COL25A1: variants seen among roughly 807,000 people sequenced by gnomAD.
The protein encoded by COL25A1 is collagen alpha-1(XXV) chain.
A neutral mutation model predicts 128.4 loss-of-function variants in COL25A1; 103 were observed. The observed-to-expected ratio is 0.80, with a 90% CI of 0.68 to 0.94. COL25A1 has a LOEUF of 0.94. COL25A1 is among the 40% of genes least tolerant of loss of function. The pLI, the probability that COL25A1 is intolerant of heterozygous loss-of-function variation, is 0.00. For synonymous variants in COL25A1, 279 were observed against 277.2 expected, an observed-to-expected ratio of 1.01 and a Z score of -0.06; for missense variants, 745 against 840.0, an observed-to-expected ratio of 0.89 and a Z score of 1.40.
rs79970220 is a variant in COL25A1 at position 109,160,647 on chromosome 4, A to T, written c.368-110468T>A. 9.4e-3 allele frequency among the ~76,000 whole-genome samples: 1,425 copies of T among 152,230 alleles called. 29 individuals are homozygous for T. The highest frequency in any genetic ancestry group is 0.033 in the African/African-American group (1,350 of 41,510). ...GCATATTTGCACTAATTACTACAAG[A>T]CTGGCCTATTGTTGGTCCTACAAAC... On this transcript the variant is annotated intron_variant, in intron 3 of 37. Coordinates refer to ENST00000399132, the MANE Select transcript of COL25A1 (RefSeq NM_198721.4).
chr4:109,133,020 T>C (rs1769378877), intron 3 of COL25A1, among the ~76,000 whole-genome samples: 1 of 152,090 alleles, frequency 6.6e-6, no homozygotes, highest in Admixed American at 6.5e-5. Context: ...AATAACTATA[T>C]TCATTCTTGT....
Position 108,813,839 on chromosome 4 carries a change from C to G in COL25A1, c.*88G>C. The G allele has an allele frequency of 1.9e-6, 2 of 1,026,324 alleles. No individual in the cohort carries two copies. The highest frequency in any genetic ancestry group is 2.8e-5 in the South Asian group (2 of 71,806). The allele number at this position is 1,026,324 out of a possible 1,614,324, so 63.6% of individuals were successfully genotyped here. A position where few individuals can be genotyped will look rare whatever the true frequency, so the allele number is the denominator to read the frequency against. On this transcript the variant is annotated 3_prime_UTR_variant, in exon 38 of 38. Coordinates refer to ENST00000399132, the MANE Select transcript of COL25A1 (RefSeq NM_198721.4). ...CAGCCCTATGTAAACATATCTCAGACTTGTAAAATCTGCAATTCAGTTTTC... is the reference window on the plus strand; with the variant it reads ...CAGCCCTATGTAAACATATCTCAGAGTTGTAAAATCTGCAATTCAGTTTTC...
chr4:108,939,683 T>A lies in COL25A1; in HGVS notation c.672+856A>T, dbSNP rs1215055528. On this transcript the variant is annotated intron_variant, in intron 10 of 37. Transcript: ENST00000399132. Reference sequence around the variant, plus strand: ...TTATTATTATGTACTACAAAAATACTATGAAAATAATTTGTTAAATAAATA... The same window carrying A: ...TTATTATTATGTACTACAAAAATACAATGAAAATAATTTGTTAAATAAATA... 1.1e-4 allele frequency among the ~76,000 whole-genome samples: 17 copies of A among 152,202 alleles called. 1 individual carries two copies. The highest frequency in any genetic ancestry group is 1.1e-3 in the Admixed American group (17 of 15,282).
At chr4:108,826,057 G>A (rs984871175) in intron 33 of COL25A1, among the ~76,000 whole-genome samples, 8 of 152,086 alleles carry the variant, frequency 5.3e-5, no homozygotes, top group African/African-American at 1.9e-4. Context: ...TAGCACTGAG[G>A]TAATCATGGT....
At chr4:109,248,042 A>G (rs1780394870) in intron 3 of COL25A1, among the ~76,000 whole-genome samples, 1 of 152,086 alleles carries the variant, frequency 6.6e-6, no homozygotes, top group Non-Finnish European at 1.5e-5. Context: ...AAAAACCCGT[A>G]TTGTCCCACA....
At chr4:109,214,325 C>T (rs1578459468) in intron 3 of COL25A1, among the ~76,000 whole-genome samples, 1 of 152,048 alleles carries the variant, frequency 6.6e-6, no homozygotes, top group East Asian at 1.9e-4. Context: ...GAACCAAAAA[C>T]ATCTAGAGGC....
chr4:109,091,325 T>A (rs1021945249), intron 3 of COL25A1, among the ~76,000 whole-genome samples: 27 of 152,220 alleles, frequency 1.8e-4, no homozygotes, highest in African/African-American at 6.5e-4. Flanking sequence ...TTTGTCTCTC[T>A]AAGTCCCATT....
chr4:108,889,656 G>A (rs1320230868), intron 17 of COL25A1, 45 bp downstream of exon 17: 9 of 1,574,570 alleles, frequency 5.7e-6, no homozygotes, highest in East Asian at 4.5e-5. Flanking sequence ...ATAAAAATCA[G>A]AACTGTAACT....
In COL25A1 at chr4:109,092,341, T is replaced by C. The variant is rs184617721; in HGVS notation, c.368-42162A>G. Among the ~76,000 whole-genome samples, 135 of 152,182 alleles carry C rather than the reference T, an allele frequency of 8.9e-4. 1 individual carries two copies. Among genetic ancestry groups the C allele is most frequent in the African/African-American group, 3.2e-3 (134 of 41,520 alleles). On this transcript the variant is annotated intron_variant, in intron 3 of 37. Transcript: ENST00000399132. ...AGTTCTTTTTAAAAAATTAGCTGGGTGTGGTGGTGCGCAGTCTCAGGTAGT... is the reference window on the plus strand; with the variant it reads ...AGTTCTTTTTAAAAAATTAGCTGGGCGTGGTGGTGCGCAGTCTCAGGTAGT...
intron 5 of COL25A1, among the ~76,000 whole-genome samples, chr4:109,043,931 GC>G (rs1446423490): frequency 6.6e-6 from 1 of 152,060 alleles, no homozygotes; most frequent in African/African-American, 2.4e-5. Context: ...GATGCTCAAA[GC>G]ACATGCACAG....
intron 3 of COL25A1, among the ~76,000 whole-genome samples, chr4:109,223,003 A>T (rs780240432): frequency 1.3e-5 from 2 of 152,240 alleles, no homozygotes; most frequent in Non-Finnish European, 2.9e-5. Flanking sequence ...ACAGAATCAC[A>T]GAAGCTGATC....
At chr4:109,090,838 C>T (rs1378078060) in intron 3 of COL25A1, among the ~76,000 whole-genome samples, 2 of 152,080 alleles carry the variant, frequency 1.3e-5, no homozygotes, top group African/African-American at 2.4e-5. Context: ...TTGACATCTT[C>T]GAGGGATGAG....
chr4:109,025,245 A>G (rs772180863), intron 5 of COL25A1, among the ~76,000 whole-genome samples: 1 of 152,202 alleles, frequency 6.6e-6, no homozygotes, highest in African/African-American at 2.4e-5. Flanking sequence ...AACATATATG[A>G]AGTACCTCTG....
chr4:109,277,906 C>A (rs1001044381), intron 3 of COL25A1, among the ~76,000 whole-genome samples: 2 of 152,076 alleles, frequency 1.3e-5, no homozygotes, highest in Non-Finnish European at 2.9e-5. Context: ...GAGGCCGAGG[C>A]AGGTGGATCA....
chr4:109,152,282 T>A (rs1375421866), intron 3 of COL25A1, among the ~76,000 whole-genome samples: 1 of 152,016 alleles, frequency 6.6e-6, no homozygotes, highest in African/African-American at 2.4e-5. Context: ...GTAAGTGGAG[T>A]TCAAAAATTA....
chr4:109,179,383 T>C (rs1774416524), intron 3 of COL25A1, among the ~76,000 whole-genome samples: 1 of 152,220 alleles, frequency 6.6e-6, no homozygotes. Context: ...ACTATGCATG[T>C]CCATCCCATC....
At chr4:109,113,522 A>G (rs1014627180) in intron 3 of COL25A1, among the ~76,000 whole-genome samples, 2 of 152,130 alleles carry the variant, frequency 1.3e-5, no homozygotes, top group Non-Finnish European at 2.9e-5. Context: ...TTTTATCTCA[A>G]TATAGTTTTT....
At chr4:109,088,863 T>C (rs145733363) in intron 3 of COL25A1, among the ~76,000 whole-genome samples, 32 of 152,256 alleles carry the variant, frequency 2.1e-4, no homozygotes, top group African/African-American at 6.5e-4. Context: ...AAGACAGTGA[T>C]TATAGAGAAC....
intron 3 of COL25A1, among the ~76,000 whole-genome samples, chr4:109,177,220 G>A (rs1425737564): frequency 6.6e-6 from 1 of 152,124 alleles, no homozygotes; most frequent in African/African-American, 2.4e-5. Context: ...CCCATCTGTC[G>A]TTGCCTAGTT....
Sources: gnomAD v4.1 joint callset for allele counts (sites outside exome capture counted in the v4.1 genomes callset) on GRCh38, gnomAD v4.1.1 for gene constraint, MANE v1.5 for transcripts, NCBI Gene and HGNC (gene_info 2026-07-23, HGNC 2026-07-21) for gene names.